The following CTNNA2 variants were observed in gnomAD, a reference collection of about 807,000 sequenced individuals.
CTNNA2 encodes catenin alpha 2.
In CTNNA2, 42 loss-of-function variants were observed where a neutral mutation model predicts 101.0. The ratio of observed to expected loss-of-function variants is 0.42; its 90% CI spans 0.32 to 0.54. The LOEUF is 0.54. Ranked by LOEUF, CTNNA2 falls within the 20% of genes least tolerant of loss-of-function variation. The pLI, the probability that CTNNA2 is intolerant of heterozygous loss-of-function variation, is 0.14. For synonymous variants in CTNNA2, 450 were observed against 456.4 expected (o/e 0.99, Z 0.18); for missense variants, 871 against 1,223.1 (o/e 0.71, Z 4.29).
chr2:79,324,768 TGTCA>T (rs146012394), intron 3 of CTNNA2, among the ~76,000 whole-genome samples: 10,430 of 151,962 alleles, frequency 0.069, 471 homozygotes, highest in East Asian at 0.13. Context: ...ACTACACATG[TGTCA>T]GTCACTTTTC....
chr2:80,123,457 A>G (rs967779275), intron 7 of CTNNA2, among the ~76,000 whole-genome samples: 25 of 152,082 alleles, frequency 1.6e-4, no homozygotes, highest in Non-Finnish European at 2.9e-5. Context: ...GAAAAAAAAA[A>G]AAAAATACTC....
chr2:80,517,002 A>C (rs527389136), intron 9 of CTNNA2, among the ~76,000 whole-genome samples: 2 of 151,948 alleles, frequency 1.3e-5, no homozygotes, highest in Non-Finnish European at 2.9e-5. Flanking sequence ...GCTTTCTCTC[A>C]CCCCACCCCT....
intron 17 of CTNNA2, among the ~76,000 whole-genome samples, chr2:80,612,519 A>G (rs761304539): frequency 1.8e-4 from 28 of 151,618 alleles, no homozygotes; most frequent in Non-Finnish European, 3.7e-4. Flanking sequence ...CAAGATTGAT[A>G]AGTATAAACT....
chr2:79,856,697 G>A (rs1438462105), intron 3 of CTNNA2, among the ~76,000 whole-genome samples: 1 of 152,108 alleles, frequency 6.6e-6, no homozygotes, highest in Non-Finnish European at 1.5e-5. Context: ...GTCCCTTGAT[G>A]CAAATATATA....
At chr2:79,390,525 A>G (rs899905318) in intron 4 of CTNNA2, among the ~76,000 whole-genome samples, 7 of 152,184 alleles carry the variant, frequency 4.6e-5, no homozygotes, top group Non-Finnish European at 1.0e-4. Flanking sequence ...CTTAAGCCAC[A>G]GTAGTGGGTC....
intron 7 of CTNNA2, among the ~76,000 whole-genome samples, chr2:80,199,182 G>GGAA (rs1431069833): frequency 2.2e-4 from 9 of 40,050 alleles, no homozygotes; most frequent in African/African-American, 7.7e-4. Flanking sequence ...CTCCATCTCA[G>GGAA]AAAAAAAAAA....
chr2:80,037,484 A>C (rs1695746031), intron 7 of CTNNA2, among the ~76,000 whole-genome samples: 1 of 152,176 alleles, frequency 6.6e-6, no homozygotes, highest in African/African-American at 2.4e-5. Flanking sequence ...TTTGTTGACT[A>C]CTGAGGAGGA....
chr2:79,778,785 AG>A (rs1674200852), intron 3 of CTNNA2, among the ~76,000 whole-genome samples: 1 of 152,190 alleles, frequency 6.6e-6, no homozygotes, highest in Admixed American at 6.5e-5. Flanking sequence ...TTAGACAAGA[AG>A]TAGGCAAAGT....
intron 7 of CTNNA2, among the ~76,000 whole-genome samples, chr2:80,265,072 T>G (rs1318677246): frequency 6.6e-6 from 1 of 151,534 alleles, no homozygotes; most frequent in East Asian, 2.0e-4. Flanking sequence ...CCTCCTGGGT[T>G]CAAGCAATTC....
intron 4 of CTNNA2, among the ~76,000 whole-genome samples, chr2:79,488,208 C>T (rs1468720177): frequency 3.3e-5 from 5 of 151,674 alleles, no homozygotes; most frequent in Non-Finnish European, 7.4e-5. Flanking sequence ...ATCCCAGCTA[C>T]TCAGGAGGCT....
intron 7 of CTNNA2, among the ~76,000 whole-genome samples, chr2:80,270,839 G>A (rs1417513937): frequency 6.6e-6 from 1 of 152,096 alleles, no homozygotes; most frequent in African/African-American, 2.4e-5. Flanking sequence ...AATTCATTCT[G>A]CTTATTAAAA....
chr2:79,515,876 A>G (rs1671782908), intron 1 of CTNNA2, among the ~76,000 whole-genome samples: 2 of 152,190 alleles, frequency 1.3e-5, no homozygotes, highest in Admixed American at 1.3e-4. Flanking sequence ...TGTAAAATGT[A>G]TTCCGGATAT....
chr2:80,021,905 T>A (rs1012485355), intron 7 of CTNNA2, among the ~76,000 whole-genome samples: 3 of 124,324 alleles, frequency 2.4e-5, no homozygotes, highest in African/African-American at 1.4e-4. Flanking sequence ...AATTATTTAC[T>A]TTACATTAAT....
intron 1 of CTNNA2, among the ~76,000 whole-genome samples, chr2:79,611,114 G>A (rs559975993): frequency 6.6e-6 from 1 of 152,254 alleles, no homozygotes; most frequent in East Asian, 1.9e-4. Context: ...TTAAATGCTG[G>A]AAATCATTTA....
chr2:80,083,125 G>A (rs1366511090), intron 7 of CTNNA2, among the ~76,000 whole-genome samples: 1 of 152,058 alleles, frequency 6.6e-6, no homozygotes, highest in East Asian at 1.9e-4. Flanking sequence ...TCAAGACATG[G>A]TTTGCCTTGA....
chr2:80,141,720 T>C (rs1298827928), intron 7 of CTNNA2, among the ~76,000 whole-genome samples: 2 of 152,062 alleles, frequency 1.3e-5, no homozygotes, highest in Admixed American at 6.6e-5. Flanking sequence ...AGTTATTTCA[T>C]GGGAAATTTC....
chr2:79,672,376 A>G (rs1442726375), intron 2 of CTNNA2, among the ~76,000 whole-genome samples: 2 of 152,216 alleles, frequency 1.3e-5, no homozygotes, highest in Non-Finnish European at 2.9e-5. Context: ...AGCAAATTTA[A>G]TCAAGTTAAA....
At chr2:79,997,121 A>G (rs1049213305) in intron 7 of CTNNA2, among the ~76,000 whole-genome samples, 1 of 152,138 alleles carries the variant, frequency 6.6e-6, no homozygotes, top group African/African-American at 2.4e-5. Context: ...GTCTCTTGAA[A>G]GGCACCAAAA....
intron 7 of CTNNA2, among the ~76,000 whole-genome samples, chr2:80,266,337 GC>G (rs1672999870): frequency 6.6e-6 from 1 of 152,226 alleles, no homozygotes; most frequent in East Asian, 1.9e-4. Flanking sequence ...CAATGCCATC[GC>G]CCACAGGGAA....
Sources: allele counts gnomAD v4.1 joint callset (sites outside exome capture counted in the v4.1 genomes callset), GRCh38; gene constraint gnomAD v4.1.1; transcripts MANE v1.5; gene names NCBI Gene and HGNC (gene_info 2026-07-23, HGNC 2026-07-21).